The following WWOX variants were observed in gnomAD, a reference collection of about 807,000 sequenced individuals.
The protein encoded by WWOX is WW domain-containing oxidoreductase.
WWOX carries 69 observed loss-of-function variants against 46.2 expected under a neutral mutation model. The ratio of observed to expected loss-of-function variants is 1.49; its 90% CI spans 1.23 to 1.82. WWOX has a LOEUF of 1.82. WWOX is among the 40% of genes most tolerant of loss of function. The pLI is 0.00. For missense variants in WWOX, 919 were observed against 542.6 expected (o/e 1.69, Z -6.89); for synonymous variants, 359 against 202.6 (o/e 1.77, Z -6.56).
chr16:78,417,313 G>A (rs1471055559), intron 6 of WWOX, among the ~76,000 whole-genome samples: 1 of 151,948 alleles, frequency 6.6e-6, no homozygotes, highest in Non-Finnish European at 1.5e-5. Context: ...GGTTGGTCTT[G>A]AACCCCTGAG....
rs140022868 is a variant in WWOX, at chr16:78,902,448, C to G, written c.1057-309160C>G. ...CGCCACGCGGGGCGGGCGGGAGAGG[C>G]AAGGCTAAGAGGTGGATGAAAGGCT... On this transcript the variant is annotated intron_variant, in intron 8 of 8. Transcript: ENST00000566780. Among the ~76,000 whole-genome samples, 721 of 152,344 alleles carry G rather than the reference C, an allele frequency of 4.7e-3. 2 individuals carry two copies. The highest frequency in any genetic ancestry group is 8.1e-3 in the Non-Finnish European group (552 of 68,046).
intron 8 of WWOX, among the ~76,000 whole-genome samples, chr16:79,140,812 G>A (rs867513624): frequency 6.7e-6 from 1 of 150,282 alleles, no homozygotes; most frequent in African/African-American, 2.5e-5. Context: ...ATACTTCTGA[G>A]TAAGTAGGGG....
intron 8 of WWOX, among the ~76,000 whole-genome samples, chr16:78,799,463 G>C (rs916983344): frequency 6.6e-6 from 1 of 152,188 alleles, no homozygotes; most frequent in Non-Finnish European, 1.5e-5. Flanking sequence ...ACCAGGGATA[G>C]AGTCTCAAAG....
At chr16:78,425,492 T>C (rs2083054672) in intron 7 of WWOX, among the ~76,000 whole-genome samples, 1 of 152,158 alleles carries the variant, frequency 6.6e-6, no homozygotes, top group Admixed American at 6.5e-5. Flanking sequence ...AGGCAGACAT[T>C]AGCTGTGTAA....
chr16:78,996,040 G>C (rs2046981339), intron 8 of WWOX, among the ~76,000 whole-genome samples: 1 of 152,162 alleles, frequency 6.6e-6, no homozygotes. Flanking sequence ...TGAAAGAAGA[G>C]GGAAACTGGT....
intron 8 of WWOX, among the ~76,000 whole-genome samples, chr16:78,672,075 G>C (rs2047477817): frequency 6.6e-6 from 1 of 152,152 alleles, no homozygotes; most frequent in African/African-American, 2.4e-5. Context: ...AAAGCATTCT[G>C]TTATCTTACT....
At chr16:78,300,285 G>A (rs558897175) in intron 5 of WWOX, among the ~76,000 whole-genome samples, 2 of 152,302 alleles carry the variant, frequency 1.3e-5, no homozygotes, top group East Asian at 3.9e-4. Context: ...TCTCCAATAT[G>A]GGTGTTAGTC....
chr16:78,321,123 G>A (rs905042625), intron 5 of WWOX, among the ~76,000 whole-genome samples: 15 of 151,776 alleles, frequency 9.9e-5, no homozygotes, highest in Non-Finnish European at 4.4e-5. Context: ...TAGAAAAGTT[G>A]GGTACATAAA....
At chr16:78,624,050 A>G (rs769344573) in intron 8 of WWOX, among the ~76,000 whole-genome samples, 2 of 152,200 alleles carry the variant, frequency 1.3e-5, no homozygotes, top group Non-Finnish European at 2.9e-5. Context: ...AGCATCTTGC[A>G]CGTAGAATTC....
At chr16:78,590,196 A>G (rs867821959) in intron 8 of WWOX, among the ~76,000 whole-genome samples, 6 of 152,042 alleles carry the variant, frequency 3.9e-5, no homozygotes, top group South Asian at 2.1e-4. Flanking sequence ...AAAATTATAA[A>G]TAGAAATTTA....
At chr16:78,771,850 T>C (rs1027931516) in intron 8 of WWOX, among the ~76,000 whole-genome samples, 13 of 152,038 alleles carry the variant, frequency 8.6e-5, no homozygotes, top group Admixed American at 1.3e-4. Context: ...TTTAACGAGT[T>C]CAGTCTAGCT....
chr16:78,913,947 C>T (rs1398774253), intron 8 of WWOX, among the ~76,000 whole-genome samples: 1 of 152,024 alleles, frequency 6.6e-6, no homozygotes, highest in Non-Finnish European at 1.5e-5. Flanking sequence ...AGACATGATC[C>T]ACTGCACGTG....
intron 5 of WWOX, among the ~76,000 whole-genome samples, chr16:78,268,643 G>A (rs1337342302): frequency 2.0e-5 from 3 of 152,110 alleles, no homozygotes; most frequent in Admixed American, 6.5e-5. Context: ...GGTTAAATAC[G>A]TGGAAGAGTG....
At chr16:78,979,845 G>A (rs944201956) in intron 8 of WWOX, among the ~76,000 whole-genome samples, 2 of 152,138 alleles carry the variant, frequency 1.3e-5, no homozygotes, top group Admixed American at 1.3e-4. Context: ...ATAAATCAAC[G>A]TGGCTGGGTG....
At chr16:78,839,644 C>T (rs1023620052) in intron 8 of WWOX, among the ~76,000 whole-genome samples, 2 of 152,164 alleles carry the variant, frequency 1.3e-5, no homozygotes, top group African/African-American at 4.8e-5. Flanking sequence ...CAGGTTCTCA[C>T]TGTTATGGAG....
Position 79,084,104 on chromosome 16 carries a change from A to T in WWOX, c.1057-127504A>T, listed in dbSNP as rs1052251448. Among the ~76,000 whole-genome samples the T allele has an allele frequency of 4.2e-4, 64 of 152,158 alleles. 4 individuals carry two copies. The highest frequency in any genetic ancestry group is 2.6e-4 in the Non-Finnish European group (18 of 68,036). On this transcript the variant is annotated intron_variant, in intron 8 of 8. Coordinates refer to ENST00000566780, the MANE Select transcript of WWOX (RefSeq NM_016373.4). ...GGTGGTGGAGAGTGGCTGAGAAACC[A>T]GGGAGAAACAGGAAGGAGCTGATTG...
intron 5 of WWOX, among the ~76,000 whole-genome samples, chr16:78,324,562 T>C (rs765312692): frequency 6.6e-6 from 1 of 152,038 alleles, no homozygotes; most frequent in Non-Finnish European, 1.5e-5. Context: ...TGGATAAATA[T>C]GTTGTGGTAA....
At chr16:78,417,040 G>GGGGTGTGTGTGTGTGTGT (rs58277331) in intron 6 of WWOX, among the ~76,000 whole-genome samples, 6 of 151,262 alleles carry the variant, frequency 4.0e-5, no homozygotes, top group African/African-American at 1.2e-4. Context: ...ACCCTTTGGG[G>GGGGTGTGTGTGTGTGTGT]GTGTGTGTGT....
intron 8 of WWOX, among the ~76,000 whole-genome samples, chr16:79,087,236 G>C (rs1429466188): frequency 6.6e-6 from 1 of 152,258 alleles, no homozygotes; most frequent in Non-Finnish European, 1.5e-5. Context: ...GCATGGATCA[G>C]TGCCTCTCTT....
Sources: allele counts gnomAD v4.1 joint callset (sites outside exome capture counted in the v4.1 genomes callset), GRCh38; gene constraint gnomAD v4.1.1; transcripts MANE v1.5; gene names NCBI Gene and HGNC (gene_info 2026-07-23, HGNC 2026-07-21).